TBC1D2B: variants seen among roughly 807,000 people sequenced by gnomAD.
The protein encoded by TBC1D2B is TBC1 domain family member 2B, also known as TBC1 domain family, member 2B.
A neutral mutation model predicts 100.8 loss-of-function variants in TBC1D2B; 64 were observed. The observed-to-expected ratio is 0.64, with a 90% CI of 0.52 to 0.78. The LOEUF (loss-of-function observed/expected upper bound fraction) is 0.78. Ranked by LOEUF, TBC1D2B falls within the 30% of genes least tolerant of loss-of-function variation. The pLI is 0.00. For synonymous variants in TBC1D2B, 480 were observed against 479.7 expected (o/e 1.00, Z -0.01); for missense variants, 1,052 against 1,218.4 (o/e 0.86, Z 2.03).
chr15:78,031,259 G>A (rs1419655802), intron 3 of TBC1D2B, among the ~76,000 whole-genome samples: 1 of 152,154 alleles, frequency 6.6e-6, no homozygotes, highest in African/African-American at 2.4e-5. Flanking sequence ...ATAGGATCAA[G>A]AAGAGAGGAT....
chr15:78,000,184 C>A (rs2071872763), intron 12 of TBC1D2B, among the ~76,000 whole-genome samples: 1 of 152,236 alleles, frequency 6.6e-6, no homozygotes, highest in African/African-American at 2.4e-5. Flanking sequence ...CTTTCTAAAG[C>A]AAGCTGCAGG....
chr15:78,058,402 C>G (rs144494587), intron 1 of TBC1D2B, among the ~76,000 whole-genome samples: 1 of 152,204 alleles, frequency 6.6e-6, no homozygotes, highest in African/African-American at 2.4e-5. Flanking sequence ...CAGGCGCCTC[C>G]ATATCTCCAA....
rs559807526 is a variant in TBC1D2B at position 78,062,145 on chromosome 15, C to G, written c.361-7958G>C. Among the ~76,000 whole-genome samples the G allele has an allele frequency of 3.9e-5, 6 of 152,348 alleles. No homozygotes were observed. In the South Asian group the frequency reaches 1.2e-3, roughly 32 times the overall value. ...GGCAACCCTGCAAGCCGTCTCCAGG[C>G]AGCAGGGAGTCACTGATTATAAGAG... On this transcript the variant is annotated intron_variant, in intron 1 of 12. Transcript: ENST00000300584.
chr15:77,999,072 G>C (rs2071842535), intron 12 of TBC1D2B: 1 of 284,594 alleles, frequency 3.5e-6, no homozygotes, highest in African/African-American at 2.2e-5. Context: ...GCACTAATGG[G>C]TCAGCCACAC....
At chr15:78,004,386 G>C (rs992123559) in intron 10 of TBC1D2B, among the ~76,000 whole-genome samples, 1 of 152,212 alleles carries the variant, frequency 6.6e-6, no homozygotes, top group Admixed American at 6.5e-5. Context: ...CGCTCCTACA[G>C]CTAGAGCTCA....
intron 3 of TBC1D2B, among the ~76,000 whole-genome samples, chr15:78,043,155 A>C (rs1052220933): frequency 1.3e-5 from 2 of 152,228 alleles, no homozygotes; most frequent in Non-Finnish European, 2.9e-5. Flanking sequence ...TAACTTTATC[A>C]TACTGAATTC....
At chr15:78,016,828 C>T in intron 7 of TBC1D2B, 89 bp from the exon 8 acceptor site, 1 of 1,090,850 alleles carries the variant, frequency 9.2e-7, no homozygotes, top group Admixed American at 3.3e-5. Flanking sequence ...AACAACAAAC[C>T]CAAAACTATT....
chr15:78,055,264 C>T (rs1227548149), intron 1 of TBC1D2B, among the ~76,000 whole-genome samples: 4 of 152,010 alleles, frequency 2.6e-5, no homozygotes, highest in African/African-American at 7.2e-5. Context: ...TGATTCTACA[C>T]ATTTGTCCAA....
intron 12 of TBC1D2B, among the ~76,000 whole-genome samples, chr15:78,000,627 G>A (rs1596304823): frequency 6.6e-6 from 1 of 152,286 alleles, no homozygotes; most frequent in Admixed American, 6.5e-5. Flanking sequence ...TAAAAATAGC[G>A]ACGACCTCCA....
At chr15:78,041,646 C>A (rs2073096880) in intron 3 of TBC1D2B, among the ~76,000 whole-genome samples, 1 of 152,184 alleles carries the variant, frequency 6.6e-6, no homozygotes, top group Non-Finnish European at 1.5e-5. Context: ...TCTGTCTGTG[C>A]ACCTAAGGCA....
At chr15:78,000,334 TC>T (rs2141612513) in intron 12 of TBC1D2B, among the ~76,000 whole-genome samples, 1 of 152,310 alleles carries the variant, frequency 6.6e-6, no homozygotes, top group Non-Finnish European at 1.5e-5. Flanking sequence ...CCTCCGCTCC[TC>T]CTGGCAGCGC....
intron 2 of TBC1D2B, among the ~76,000 whole-genome samples, chr15:78,048,163 G>C (rs1325511683): frequency 6.6e-6 from 1 of 152,192 alleles, no homozygotes; most frequent in Non-Finnish European, 1.5e-5. Flanking sequence ...CCCAAGGAGG[G>C]GTGGAGAAAA....
At chr15:78,006,181 C>T (rs779796130) in intron 10 of TBC1D2B, among the ~76,000 whole-genome samples, 1 of 152,192 alleles carries the variant, frequency 6.6e-6, no homozygotes, top group Non-Finnish European at 1.5e-5. Context: ...TGCTTGACCA[C>T]ACCTCAATGG....
At chr15:78,068,166 T>C (rs577671440) in intron 1 of TBC1D2B, among the ~76,000 whole-genome samples, 8 of 152,230 alleles carry the variant, frequency 5.3e-5, no homozygotes, top group Non-Finnish European at 1.5e-5. Flanking sequence ...TCTTCAATGT[T>C]TTTTTCAAAA....
At chr15:78,016,788 A>G in intron 7 of TBC1D2B, 49 bp from the exon 8 acceptor site, 1 of 1,425,656 alleles carries the variant, frequency 7.0e-7, no homozygotes, top group Non-Finnish European at 9.3e-7. Flanking sequence ...ACACAGGAAG[A>G]GCAATCTTTA....
At chr15:78,074,275 G>A (rs1259960343) in intron 1 of TBC1D2B, among the ~76,000 whole-genome samples, 3 of 151,850 alleles carry the variant, frequency 2.0e-5, no homozygotes, top group East Asian at 2.0e-4. Context: ...CACTCGCCTC[G>A]GCCTCCCAAA....
intron 5 of TBC1D2B, among the ~76,000 whole-genome samples, chr15:78,024,912 G>A (rs939556401): frequency 3.3e-5 from 5 of 152,224 alleles, no homozygotes; most frequent in Non-Finnish European, 7.3e-5. Context: ...TGAATAGGAT[G>A]CAGAAACTCT....
chr15:78,018,869 G>GA (rs1001958832), intron 6 of TBC1D2B, among the ~76,000 whole-genome samples: 1 of 152,068 alleles, frequency 6.6e-6, no homozygotes, highest in Admixed American at 6.5e-5. Flanking sequence ...ATACTAAACC[G>GA]AATCACCTCT....
chr15:78,024,674 C>T, intron 5 of TBC1D2B, 135 bp from the exon 6 acceptor site: 1 of 802,870 alleles, frequency 1.2e-6, no homozygotes, highest in Non-Finnish European at 1.9e-6. Context: ...CATTTTAATA[C>T]TGAACTTCCT....
Sources: allele counts gnomAD v4.1 joint callset (sites outside exome capture counted in the v4.1 genomes callset), GRCh38; gene constraint gnomAD v4.1.1; transcripts MANE v1.5; gene names NCBI Gene and HGNC (gene_info 2026-07-23, HGNC 2026-07-21).